The following SUCLG2 variants were observed in gnomAD, a reference collection of about 807,000 sequenced individuals.
The protein encoded by SUCLG2 is succinate--CoA ligase [GDP-forming] subunit beta, mitochondrial.
SUCLG2 carries 42 observed loss-of-function variants against 47.9 expected under a neutral mutation model. The ratio of observed to expected loss-of-function variants is 0.88; its 90% CI spans 0.69 to 1.14. The LOEUF (loss-of-function observed/expected upper bound fraction) is 1.14. Ranked by LOEUF, SUCLG2 falls within the 50% of genes most tolerant of loss-of-function variation. The pLI is 0.00. For synonymous variants in SUCLG2, 195 were observed against 197.3 expected, an observed-to-expected ratio of 0.99 and a Z score of 0.10; for missense variants, 571 against 525.9, an observed-to-expected ratio of 1.09 and a Z score of -0.84.
chr3:67,516,786 G>C (rs1160834340), intron 6 of SUCLG2, among the ~76,000 whole-genome samples: 2 of 152,196 alleles, frequency 1.3e-5, no homozygotes, highest in Non-Finnish European at 2.9e-5. Context: ...AAGTGATATG[G>C]AGGAGGCAGA....
At chr3:67,497,367 C>A (rs556993399) in intron 8 of SUCLG2, among the ~76,000 whole-genome samples, 7 of 152,216 alleles carry the variant, frequency 4.6e-5, no homozygotes, top group African/African-American at 1.4e-4. Flanking sequence ...CAGTCTTGTG[C>A]AATTAAGTCA....
intron 2 of SUCLG2, among the ~76,000 whole-genome samples, chr3:67,563,026 G>C (rs1707349834): frequency 6.7e-6 from 1 of 150,054 alleles, no homozygotes. Flanking sequence ...ATATAGCTTA[G>C]GAATTATAAT....
intron 9 of SUCLG2, among the ~76,000 whole-genome samples, chr3:67,473,196 T>G (rs1236664741): frequency 6.8e-6 from 1 of 146,738 alleles, no homozygotes; most frequent in Non-Finnish European, 1.5e-5. Context: ...TTATTTTTTT[T>G]GAGACAGGGT....
Position 67,627,050 on chromosome 3 carries a change from G to A in SUCLG2, c.85-17454C>T, listed in dbSNP as rs79650713. ...GGACTAGAGATGGGTTGAAAGTAGA[G>A]AGACTATAACCAGAAGACAAATCAG... On this transcript the variant is annotated intron_variant, in intron 1 of 10. Transcript: ENST00000307227. Among the ~76,000 whole-genome samples the A allele has an allele frequency of 4.1e-3, 623 of 151,898 alleles. 2 individuals carry two copies. Among genetic ancestry groups the A allele is most frequent in the African/African-American group, 0.014 (568 of 41,412 alleles).
chr3:67,475,852 C>A (rs1267091940), intron 9 of SUCLG2, among the ~76,000 whole-genome samples: 1 of 152,008 alleles, frequency 6.6e-6, no homozygotes. Context: ...CCATGCCCAA[C>A]AAAAATGTTT....
chr3:67,533,921 G>A (rs1490611275), intron 2 of SUCLG2, among the ~76,000 whole-genome samples: 1 of 151,020 alleles, frequency 6.6e-6, no homozygotes, highest in African/African-American at 2.4e-5. Context: ...TCAAATTTGG[G>A]ACAGAGAGTT....
At chr3:67,583,403 T>C (rs1707932087) in intron 2 of SUCLG2, among the ~76,000 whole-genome samples, 2 of 152,198 alleles carry the variant, frequency 1.3e-5, no homozygotes, top group Non-Finnish European at 2.9e-5. Flanking sequence ...TCATGTCACC[T>C]TGAGCTCAAA....
chr3:67,376,558 C>G (rs1702038333), intron 10 of SUCLG2: 2 of 929,958 alleles, frequency 2.2e-6, no homozygotes, highest in African/African-American at 3.6e-5. Context: ...TCTCATCCTA[C>G]ATCATTTCCT....
At chr3:67,481,444 A>G (rs60195914) in intron 9 of SUCLG2, among the ~76,000 whole-genome samples, 15,128 of 152,254 alleles carry the variant, frequency 0.099, 1,041 homozygotes, top group East Asian at 0.29. Context: ...ATTGGCCAGG[A>G]CTTGGCCATG....
intron 9 of SUCLG2, among the ~76,000 whole-genome samples, chr3:67,426,606 T>C (rs1703306612): frequency 6.6e-6 from 1 of 152,148 alleles, no homozygotes; most frequent in South Asian, 2.1e-4. Flanking sequence ...CTTGATTCCT[T>C]AATAGCATGA....
intron 2 of SUCLG2, among the ~76,000 whole-genome samples, chr3:67,578,271 T>C (rs1707794102): frequency 7.2e-6 from 1 of 139,090 alleles, no homozygotes; most frequent in Admixed American, 7.0e-5. Flanking sequence ...ATTTTATATA[T>C]ATAAAATTTT....
chr3:67,432,635 G>A (rs997575277), intron 9 of SUCLG2, among the ~76,000 whole-genome samples: 10 of 152,038 alleles, frequency 6.6e-5, no homozygotes, highest in African/African-American at 2.2e-4. Context: ...GACCTCTCCC[G>A]GCATAATTAC....
At chr3:67,523,812 G>C (rs1402040896) in intron 4 of SUCLG2, among the ~76,000 whole-genome samples, 1 of 152,154 alleles carries the variant, frequency 6.6e-6, no homozygotes, top group Admixed American at 6.5e-5. Context: ...AGTTAGTTTA[G>C]AGAATAATAC....
At chr3:67,650,023 T>G (rs1701258192) in intron 1 of SUCLG2, among the ~76,000 whole-genome samples, 1 of 152,134 alleles carries the variant, frequency 6.6e-6, no homozygotes. Flanking sequence ...CAAAACCAAT[T>G]TAGGACAAAG....
chr3:67,597,958 A>C (rs1708332115), intron 2 of SUCLG2, among the ~76,000 whole-genome samples: 1 of 151,502 alleles, frequency 6.6e-6, no homozygotes, highest in African/African-American at 2.4e-5. Flanking sequence ...CAAACAAACA[A>C]CAACAACAAA....
At chr3:67,364,315 A>G (rs1469903973) in intron 10 of SUCLG2, among the ~76,000 whole-genome samples, 2 of 152,136 alleles carry the variant, frequency 1.3e-5, no homozygotes, top group African/African-American at 4.8e-5. Flanking sequence ...GGGTCAGTGG[A>G]GAACACATGG....
intron 2 of SUCLG2, among the ~76,000 whole-genome samples, chr3:67,588,171 A>G (rs935165141): frequency 8.5e-5 from 13 of 152,224 alleles, no homozygotes; most frequent in Non-Finnish European, 1.6e-4. Flanking sequence ...ACATCTGGTT[A>G]CTGTTGAAGA....
intron 9 of SUCLG2, among the ~76,000 whole-genome samples, chr3:67,491,373 TTTTTTTTC>T (rs1435504660): frequency 6.8e-6 from 1 of 146,444 alleles, no homozygotes; most frequent in African/African-American, 2.5e-5. Flanking sequence ...TTTTTTTTTT[TTTTTTTTC>T]CAGACGAAGT....
chr3:67,435,728 A>C (rs1703603311), intron 9 of SUCLG2, among the ~76,000 whole-genome samples: 1 of 152,222 alleles, frequency 6.6e-6, no homozygotes. Flanking sequence ...CCCTAAATGT[A>C]ATCTGTTTTG....
Sources: allele counts gnomAD v4.1 joint callset (sites outside exome capture counted in the v4.1 genomes callset), GRCh38; gene constraint gnomAD v4.1.1; transcripts MANE v1.5; gene names NCBI Gene and HGNC (gene_info 2026-07-23, HGNC 2026-07-21).